The following CREBBP variants were observed in gnomAD, a reference collection of about 807,000 sequenced individuals.
CREBBP encodes the protein CREB binding lysine acetyltransferase.
In CREBBP, 19 loss-of-function variants were observed where a neutral mutation model predicts 265.0. The observed-to-expected ratio is 0.07, with a 90% CI of 0.05 to 0.11. The LOEUF is 0.11. Among genes scored for constraint, CREBBP ranks in the 10% least tolerant of loss-of-function variants. The probability of loss-of-function intolerance (pLI) is 1.00; values close to 1 mark genes in which losing one functional copy is unlikely to be tolerated. For synonymous variants in CREBBP, 1,457 were observed against 1,223.7 expected, an observed-to-expected ratio of 1.19 and a Z score of -3.98; for missense variants, 2,525 against 3,219.0, an observed-to-expected ratio of 0.78 and a Z score of 5.22.
chr16:3,873,997 G>C (rs2055350524), intron 1 of CREBBP, among the ~76,000 whole-genome samples: 1 of 152,196 alleles, frequency 6.6e-6, no homozygotes, highest in Non-Finnish European at 1.5e-5. Flanking sequence ...GCCGTGGAAA[G>C]GCTCTGGAGT....
At chr16:3,816,797 C>A (rs191393424) in intron 2 of CREBBP, among the ~76,000 whole-genome samples, 1 of 152,184 alleles carries the variant, frequency 6.6e-6, no homozygotes, top group Non-Finnish European at 1.5e-5. Flanking sequence ...TTCTCTGCAT[C>A]CCCTGCAACA....
chr16:3,770,185 G>A (rs762048548), intron 14 of CREBBP, among the ~76,000 whole-genome samples: 1 of 151,104 alleles, frequency 6.6e-6, no homozygotes, highest in African/African-American at 2.4e-5. Flanking sequence ...GGAGTTTTAA[G>A]TAAACAAACA....
In CREBBP at chr16:3,726,998, G is replaced by A. The variant is rs1274991581; in HGVS notation, c.*720C>T. On this transcript the variant is annotated 3_prime_UTR_variant, in exon 31 of 31. Transcript: ENST00000262367. ...GTTTCACATAGAAGAAAGAAAAGAA[G>A]GCTTCTTCTCTAGTAACATTAGCAT... 4.3e-6 allele frequency: 1 copy of A among 233,534 alleles called. No homozygotes were observed. Among genetic ancestry groups the A allele is most frequent in the East Asian group, 6.0e-5 (1 of 16,576 alleles). The allele number at this position is 233,534 out of a possible 1,614,324, so 14.5% of individuals were successfully genotyped here.
intron 1 of CREBBP, among the ~76,000 whole-genome samples, chr16:3,859,199 A>AT (rs1171639349): frequency 7.3e-5 from 11 of 151,630 alleles, no homozygotes; most frequent in Admixed American, 6.6e-4. Context: ...TTTATTTTTT[A>AT]TTTTTTTATT....
At chr16:3,796,973 T>C (rs1201078956) in intron 3 of CREBBP, among the ~76,000 whole-genome samples, 1 of 152,178 alleles carries the variant, frequency 6.6e-6, no homozygotes. Flanking sequence ...TTTTGCAAAG[T>C]ACTTACAAAT....
chr16:3,795,772 G>A (rs1196512377), intron 3 of CREBBP, among the ~76,000 whole-genome samples: 1 of 152,128 alleles, frequency 6.6e-6, no homozygotes, highest in Non-Finnish European at 1.5e-5. Flanking sequence ...TGGAGATATG[G>A]AGGAATGGGA....
At chr16:3,847,296 T>C (rs972012487) in intron 2 of CREBBP, among the ~76,000 whole-genome samples, 14 of 152,224 alleles carry the variant, frequency 9.2e-5, no homozygotes, top group South Asian at 2.1e-4. Context: ...AATTATTTCA[T>C]AGGATATACT....
At chr16:3,788,009 C>T (rs1314977585) in intron 5 of CREBBP, among the ~76,000 whole-genome samples, 1 of 152,188 alleles carries the variant, frequency 6.6e-6, no homozygotes, top group Non-Finnish European at 1.5e-5. Context: ...TCTGAGGCAC[C>T]TACAGATGGA....
chr16:3,810,476 C>G, intron 3 of CREBBP, 127 bp downstream of exon 3: 3 of 1,089,254 alleles, frequency 2.8e-6, no homozygotes, highest in South Asian at 1.3e-5. Flanking sequence ...CATGAGAAAT[C>G]TGGGTTCTCT....
rs940009310 is a variant in CREBBP at position 3,778,286 on chromosome 16, T to C, written c.1942-104A>G. On this transcript the variant is annotated intron_variant, in intron 9 of 30. Transcript: ENST00000262367. The stretch of plus-strand genomic sequence containing the variant: ...TAATGAACTTCCTCATTGAGTACAC[T>C]GGCAAAAGTAGTATGCAAATACCTG... 5.3e-6 allele frequency: 5 copies of C among 944,182 alleles called. No individual in the cohort carries two copies. The African/African-American group carries it at 6.5e-5, about 12-fold the overall frequency. 58.5% of individuals were successfully genotyped at this position (944,182 alleles called of 1,614,324 possible). A position where few individuals can be genotyped will look rare whatever the true frequency, so the allele number is the denominator to read the frequency against.
At chr16:3,745,663 G>A in intron 21 of CREBBP, 1 of 436,434 alleles carries the variant, frequency 2.3e-6, no homozygotes, top group Non-Finnish European at 4.3e-6. Context: ...TCACAGGCCG[G>A]TATTTCTGAC....
At chr16:3,788,238 T>C (rs117312704) in intron 5 of CREBBP, among the ~76,000 whole-genome samples, 1 of 152,356 alleles carries the variant, frequency 6.6e-6, no homozygotes, top group East Asian at 1.9e-4. Flanking sequence ...CTGGCCCAGA[T>C]ACCTGGTCTT....
chr16:3,802,002 G>A (rs942765314), intron 3 of CREBBP, among the ~76,000 whole-genome samples: 1 of 151,490 alleles, frequency 6.6e-6, no homozygotes, highest in Admixed American at 6.6e-5. Flanking sequence ...TTAGCCACAG[G>A]CTCTTTGCAT....
intron 10 of CREBBP, 82 bp from the exon 11 acceptor site, chr16:3,777,739 A>C: frequency 1.3e-6 from 2 of 1,527,250 alleles, no homozygotes; most frequent in South Asian, 1.1e-5. Context: ...GAAATTTCTT[A>C]TTAGGACTTC....
At chr16:3,823,018 CTTCT>C (rs747215629) in intron 2 of CREBBP, among the ~76,000 whole-genome samples, 7 of 152,108 alleles carry the variant, frequency 4.6e-5, no homozygotes, top group Non-Finnish European at 8.8e-5. Flanking sequence ...GAAAACGTTC[CTTCT>C]AAGTTACAAA....
At chr16:3,762,605 C>T (rs1018374126) in intron 16 of CREBBP, among the ~76,000 whole-genome samples, 1 of 152,138 alleles carries the variant, frequency 6.6e-6, no homozygotes, top group Non-Finnish European at 1.5e-5. Flanking sequence ...CGAGGACCTG[C>T]TCCACGCGGC....
At chr16:3,781,071 G>C (rs1209363493) in intron 7 of CREBBP, 133 bp downstream of exon 7, 1 of 1,042,956 alleles carries the variant, frequency 9.6e-7, no homozygotes, top group African/African-American at 1.6e-5. Flanking sequence ...AGAAAAAAAG[G>C]AAAACAGCAT....
chr16:3,761,418 C>T (rs1264675986), intron 16 of CREBBP: 2 of 436,770 alleles, frequency 4.6e-6, no homozygotes, highest in Non-Finnish European at 9.0e-6. Context: ...TTGACAAATT[C>T]TGGAAAGCGT....
At chr16:3,744,749 A>C (rs1014454761) in intron 23 of CREBBP, 145 bp downstream of exon 23, 1 of 718,296 alleles carries the variant, frequency 1.4e-6, no homozygotes, top group Non-Finnish European at 2.5e-6. Flanking sequence ...AGAAAAATAC[A>C]AAGTACTGGG....
Sources: gnomAD v4.1 joint callset for allele counts (sites outside exome capture counted in the v4.1 genomes callset) on GRCh38, gnomAD v4.1.1 for gene constraint, MANE v1.5 for transcripts, NCBI Gene and HGNC (gene_info 2026-07-23, HGNC 2026-07-21) for gene names.